KEL: variants seen among roughly 807,000 people sequenced by gnomAD.
KEL encodes the protein kell blood group glycoprotein.
Under a neutral mutation model 99.5 loss-of-function variants are expected in KEL, and 96 were observed. The observed-to-expected ratio is 0.97, with a 90% CI of 0.82 to 1.14. The LOEUF is 1.14. Ranked by LOEUF, KEL falls within the 50% of genes most tolerant of loss-of-function variation. The pLI is 0.00. For missense variants in KEL, 926 were observed against 924.2 expected, an observed-to-expected ratio of 1.00 and a Z score of -0.03; for synonymous variants, 355 against 354.8, an observed-to-expected ratio of 1.00 and a Z score of -0.01.
In KEL at chr7:142,943,155, A is replaced by G; in HGVS notation, c.1772-111T>C. The G allele has an allele frequency of 3.2e-6, 5 of 1,552,894 alleles. No homozygotes were observed. The South Asian group carries it at 3.4e-5, about 11-fold the overall frequency. ...TGAATCAGCTCCCAGGAGCATGGCA[A>G]AGTTCCCAGGACTGCCCCACCTCAA... On this transcript the variant is annotated intron_variant, in intron 16 of 18. Coordinates refer to ENST00000355265, the MANE Select transcript of KEL (RefSeq NM_000420.3).
intron 17 of KEL, 49 bp downstream of exon 17, chr7:142,942,826 T>C: frequency 3.1e-6 from 5 of 1,607,244 alleles, no homozygotes; most frequent in Non-Finnish European, 4.3e-6. Flanking sequence ...GAGGACATGT[T>C]TTCTAGTCTG....
intron 6 of KEL, among the ~76,000 whole-genome samples, chr7:142,956,065 A>G (rs1444749395): frequency 1.3e-5 from 2 of 152,070 alleles, no homozygotes; most frequent in Non-Finnish European, 2.9e-5. Flanking sequence ...CTCTTTCTGT[A>G]GTCCATTCTT....
At chr7:142,962,069 C>A (rs1216463040) in intron 1 of KEL, 135 bp downstream of exon 1, 4 of 1,612,060 alleles carry the variant, frequency 2.5e-6, no homozygotes, top group Non-Finnish European at 3.4e-6. Context: ...CGATCCCTCT[C>A]CCATTACCTC....
chr7:142,945,281 A>G (rs1796494503), intron 11 of KEL, among the ~76,000 whole-genome samples: 1 of 152,198 alleles, frequency 6.6e-6, no homozygotes, highest in Non-Finnish European at 1.5e-5. Context: ...GAGGAAAATG[A>G]AAGGCAATAT....
chr7:142,941,890 C>A (rs960340394), intron 18 of KEL, among the ~76,000 whole-genome samples: 4 of 151,368 alleles, frequency 2.6e-5, no homozygotes, highest in African/African-American at 9.7e-5. Context: ...CTCACTGCAA[C>A]CTCCGCCTCC....
chr7:142,956,305 AG>A (rs1796828351), intron 6 of KEL, among the ~76,000 whole-genome samples: 2 of 152,072 alleles, frequency 1.3e-5, no homozygotes, highest in African/African-American at 4.8e-5. Context: ...CCTCTATCTC[AG>A]GGCCTCAAAA....
rs764900737 is a variant in KEL at position 142,952,646 on chromosome 7, G to A, written c.1074-8C>T. On this transcript the variant is annotated splice_polypyrimidine_tract_variant and splice_region_variant and intron_variant, in intron 9 of 18. Transcript: ENST00000355265. The stretch of plus-strand genomic sequence containing the variant: ...TGGCTCTGCAGAAAGTCCCTATGGA[G>A]ACAAAAGAGACCCACACATATACCC... 3.1e-6 allele frequency: 5 copies of A among 1,613,890 alleles called. No individual in the cohort carries two copies. In the South Asian group the frequency reaches 5.5e-5, roughly 18 times the overall value.
In KEL at chr7:142,943,312, T is replaced by C. The variant is rs1796418441; in HGVS notation, c.1735A>G (p.Met579Val). 1 of 1,613,986 alleles carries C rather than the reference T, an allele frequency of 6.2e-7. No homozygotes were observed. Among genetic ancestry groups the C allele is most frequent in the Admixed American group, 1.7e-5 (1 of 59,986 alleles). ...AAGATGTGCAACAGCTCGTGGGCCA[T>C]GATGCTGCCAGCAGCGCCAAAGTTC... ...AVNFGAAGSI[M>V]AHELLHIFYQ... Residue 579 changes from methionine (M) to valine (V), a missense_variant, in exon 16 of 19, where the codon ATG becomes GTG. Met to Val is a conservative substitution (Grantham distance 21, BLOSUM62 1). Coordinates refer to ENST00000355265, the MANE Select transcript of KEL (RefSeq NM_000420.3).
chr7:142,948,243 A>C (rs930085711), intron 10 of KEL, among the ~76,000 whole-genome samples: 8 of 152,188 alleles, frequency 5.3e-5, no homozygotes, highest in Admixed American at 4.6e-4. Flanking sequence ...TGTATACCAC[A>C]TTGACTGCAA....
rs765948462 is a variant in KEL at position 142,944,705 on chromosome 7, T to C, written c.1351A>G (p.Ile451Val). The change falls in exon 12 of 19, where the codon ATC becomes GTC. Residue 451 changes from isoleucine to valine, a missense_variant. Ile to Val is a conservative substitution (Grantham distance 29). Transcript: ENST00000355265. Reference sequence around the variant, plus strand: ...CAGGGAAGGTTTCTGAGGCGAGTGATGAGGGCATCCCGGATCGCAGTGAAT... The same window carrying C: ...CAGGGAAGGTTTCTGAGGCGAGTGACGAGGGCATCCCGGATCGCAGTGAAT... ...KLFTAIRDAL[I>V]TRLRNLPWMN... is the part of the protein sequence containing the mutation. 2 of 1,614,160 alleles carry C rather than the reference T, an allele frequency of 1.2e-6. No individual in the cohort carries two copies. The highest frequency in any genetic ancestry group is 1.1e-5 in the South Asian group (1 of 91,074).
At chr7:142,941,894 C>T (rs559331951) in intron 18 of KEL, among the ~76,000 whole-genome samples, 82 of 151,840 alleles carry the variant, frequency 5.4e-4, no homozygotes, top group Middle Eastern at 3.4e-3. Context: ...CTGCAACCTC[C>T]GCCTCCCAGG....
intron 10 of KEL, 111 bp downstream of exon 10, chr7:142,952,398 G>C (rs559243363): frequency 3.7e-6 from 5 of 1,369,114 alleles, no homozygotes; most frequent in African/African-American, 2.9e-5. Context: ...ACATGGAGGG[G>C]CATCTACCAT....
At position 142,943,302 on chromosome 7, in the gene KEL, T is replaced by TCG. The variant is rs1266298393; in HGVS notation, c.1743_1744dup (p.Glu582AlafsTer31). 1 of 1,614,032 alleles carries TCG rather than the reference T, an allele frequency of 6.2e-7. No homozygotes were observed. Among genetic ancestry groups the TCG allele is most frequent in the Non-Finnish European group, 8.5e-7 (1 of 1,179,962 alleles). On this transcript the variant is annotated frameshift_variant, in exon 16 of 19. Coordinates refer to ENST00000355265, the MANE Select transcript of KEL (RefSeq NM_000420.3). LOFTEE classifies it high-confidence loss of function. Reference sequence around the variant, plus strand: ...GAGCTGGTAGAAGATGTGCAACAGCTCGTGGGCCATGATGCTGCCAGCAGC... The same window carrying TCG: ...GAGCTGGTAGAAGATGTGCAACAGCTCGCGTGGGCCATGATGCTGCCAGCAGC...
intron 6 of KEL, among the ~76,000 whole-genome samples, chr7:142,956,988 ACTT>A (rs1379965076): frequency 1.3e-5 from 2 of 152,162 alleles, no homozygotes; most frequent in Non-Finnish European, 2.9e-5. Context: ...ACCTGGCAAA[ACTT>A]CTAGCTGCCT....
At chr7:142,950,559 C>A (rs1252851805) in intron 10 of KEL, among the ~76,000 whole-genome samples, 30 of 152,222 alleles carry the variant, frequency 2.0e-4, no homozygotes. Flanking sequence ...CTGCCTCCTG[C>A]ACAGAGATGC....
chr7:142,954,101 C>G, intron 8 of KEL, 83 bp downstream of exon 8: 1 of 1,451,428 alleles, frequency 6.9e-7, no homozygotes, highest in Non-Finnish European at 9.5e-7. Context: ...GTATTAAGGG[C>G]ACTAGGAGGA....
Position 142,942,933 on chromosome 7 carries a change from T to C in KEL, c.1883A>G (p.Asp628Gly). 2 of 1,613,866 alleles carry C rather than the reference T, an allele frequency of 1.2e-6. No homozygotes were observed. The highest frequency in any genetic ancestry group is 1.7e-6 in the Non-Finnish European group (2 of 1,179,964). ...AGCATTCTCTAAGAATGTGAGGGAGTCATTGAAGGAGGTTCTGCTAGGTAA... is the reference window on the plus strand; with the variant it reads ...AGCATTCTCTAAGAATGTGAGGGAGCCATTGAAGGAGGTTCTGCTAGGTAA... ...FPLPSRTSFN[D>G]SLTFLENAAD... The change falls in exon 17 of 19, where the codon GAC becomes GGC. Residue 628 changes from aspartate (D) to glycine (G), a missense_variant. Coordinates refer to ENST00000355265, the MANE Select transcript of KEL (RefSeq NM_000420.3).
chr7:142,956,422 G>A (rs904914071), intron 6 of KEL, among the ~76,000 whole-genome samples: 1 of 151,698 alleles, frequency 6.6e-6, no homozygotes, highest in African/African-American at 2.4e-5. Context: ...ATAAGAGTTG[G>A]ATGGCCTCAG....
intron 5 of KEL, 106 bp downstream of exon 5, chr7:142,958,198 C>A (rs998150070): frequency 2.0e-6 from 3 of 1,519,070 alleles, no homozygotes; most frequent in African/African-American, 1.4e-5. Flanking sequence ...AATTGGGGGG[C>A]CCTAGGAAGA....
Sources: allele counts gnomAD v4.1 joint callset (sites outside exome capture counted in the v4.1 genomes callset), GRCh38; gene constraint gnomAD v4.1.1; transcripts MANE v1.5; gene names NCBI Gene and HGNC (gene_info 2026-07-23, HGNC 2026-07-21).